The following CNTNAP2 variants were observed in gnomAD, a reference collection of about 807,000 sequenced individuals.
CNTNAP2 encodes the protein contactin associated protein 2.
CNTNAP2 carries 98 observed loss-of-function variants against 155.2 expected under a neutral mutation model. The ratio of observed to expected loss-of-function variants is 0.63; its 90% CI spans 0.54 to 0.75. The LOEUF is 0.75. Ranked by LOEUF, CNTNAP2 falls within the 30% of genes least tolerant of loss-of-function variation. The probability of loss-of-function intolerance (pLI) is 0.00; values close to 1 mark genes in which losing one functional copy is unlikely to be tolerated. For synonymous variants in CNTNAP2, 651 were observed against 631.2 expected (o/e 1.03, Z -0.47); for missense variants, 1,727 against 1,688.1 (o/e 1.02, Z -0.40).
chr7:147,507,550 CTTTTT>C (rs3052511), intron 11 of CNTNAP2, among the ~76,000 whole-genome samples: 38,365 of 82,172 alleles, frequency 0.47, 5,709 homozygotes, highest in Non-Finnish European at 0.49. Context: ...CTCTTTCTTT[CTTTTT>C]TTTTTTTTTT....
At chr7:148,088,056 T>C (rs1803767724) in intron 15 of CNTNAP2, among the ~76,000 whole-genome samples, 1 of 152,008 alleles carries the variant, frequency 6.6e-6, no homozygotes, top group Non-Finnish European at 1.5e-5. Flanking sequence ...TTCTGTAGGG[T>C]TCCAAACCAT....
chr7:146,885,349 G>A (rs560087707), intron 3 of CNTNAP2, among the ~76,000 whole-genome samples: 3 of 152,226 alleles, frequency 2.0e-5, no homozygotes, highest in South Asian at 4.1e-4. Context: ...CAAGAAACGA[G>A]AATACCAGGG....
chr7:147,853,681 T>A (rs761447553), intron 13 of CNTNAP2, among the ~76,000 whole-genome samples: 2 of 152,232 alleles, frequency 1.3e-5, no homozygotes, highest in African/African-American at 4.8e-5. Flanking sequence ...GGATGAACCA[T>A]TGCCATAAAA....
chr7:146,559,617 T>A (rs1012026423), intron 1 of CNTNAP2, among the ~76,000 whole-genome samples: 4 of 152,048 alleles, frequency 2.6e-5, no homozygotes, highest in African/African-American at 4.8e-5. Context: ...AAAAATCGAA[T>A]TATTTTATTT....
chr7:148,031,825 G>A (rs1239802971), intron 15 of CNTNAP2, among the ~76,000 whole-genome samples: 2 of 152,030 alleles, frequency 1.3e-5, no homozygotes, highest in East Asian at 1.9e-4. Flanking sequence ...TTTTACCCTC[G>A]ATTTACTGAG....
rs547383791 is a variant in CNTNAP2, at chr7:146,507,744, G to A, written c.98-266527G>A. ...CAAATGTTGCTGTAGGAGGGGTGCC[G>A]CTATTTCTAAATCTGCAAGAGAATC... On this transcript the variant is annotated intron_variant, in intron 1 of 23. Coordinates refer to ENST00000361727, the MANE Select transcript of CNTNAP2 (RefSeq NM_014141.6). Among the ~76,000 whole-genome samples, 4 of 152,232 alleles carry A rather than the reference G, an allele frequency of 2.6e-5. No individual in the cohort carries two copies. The East Asian group carries it at 5.8e-4, about 22-fold the overall frequency.
intron 4 of CNTNAP2, among the ~76,000 whole-genome samples, chr7:147,100,991 G>C (rs1230235392): frequency 6.6e-6 from 1 of 152,192 alleles, no homozygotes; most frequent in Admixed American, 6.5e-5. Flanking sequence ...CTTTCTAGTG[G>C]TGAGGCTTAT....
intron 1 of CNTNAP2, among the ~76,000 whole-genome samples, chr7:146,721,889 A>ATATATATATATATATTTTTTTTTTT: frequency 1.4e-5 from 1 of 69,738 alleles, no homozygotes; most frequent in Admixed American, 1.2e-4. Context: ...ATATATATAT[A>ATATATATATATATATTTTTTTTTTT]TTTTTTTTTT....
chr7:146,353,805 T>A (rs906776180), intron 1 of CNTNAP2, among the ~76,000 whole-genome samples: 15 of 151,970 alleles, frequency 9.9e-5, no homozygotes, highest in Non-Finnish European at 1.8e-4. Context: ...ATAATAATAA[T>A]AAACTCCTCT....
intron 13 of CNTNAP2, among the ~76,000 whole-genome samples, chr7:147,737,809 C>T (rs190916179): frequency 1.9e-3 from 287 of 152,286 alleles, no homozygotes; most frequent in Middle Eastern, 6.8e-3. Context: ...GGCATAGGAC[C>T]CTCTGAGCCA....
intron 13 of CNTNAP2, among the ~76,000 whole-genome samples, chr7:147,784,113 C>G (rs1002826489): frequency 6.6e-6 from 1 of 151,868 alleles, no homozygotes; most frequent in Non-Finnish European, 1.5e-5. Flanking sequence ...TTGTGCATGT[C>G]TCTGGGTCCA....
chr7:148,162,551 C>A (rs1001901140), intron 17 of CNTNAP2, among the ~76,000 whole-genome samples: 3 of 152,196 alleles, frequency 2.0e-5, no homozygotes, highest in African/African-American at 7.2e-5. Context: ...TAGTACTGAG[C>A]TTTTGCACTA....
intron 2 of CNTNAP2, among the ~76,000 whole-genome samples, chr7:146,832,440 T>A (rs1279047052): frequency 6.7e-6 from 1 of 150,156 alleles, no homozygotes; most frequent in East Asian, 1.9e-4. Context: ...TTAACAGGTT[T>A]ACTGATGTAT....
At chr7:146,232,819 G>A (rs1047129573) in intron 1 of CNTNAP2, among the ~76,000 whole-genome samples, 52 of 152,068 alleles carry the variant, frequency 3.4e-4, no homozygotes, top group Non-Finnish European at 6.5e-4. Context: ...CAAAAACAAT[G>A]TCAAAGACAT....
At chr7:147,528,527 GCA>G (rs942848870) in intron 11 of CNTNAP2, among the ~76,000 whole-genome samples, 1 of 152,138 alleles carries the variant, frequency 6.6e-6, no homozygotes, top group African/African-American at 2.4e-5. Context: ...AGACACACAT[GCA>G]CACACATACA....
chr7:146,239,853 AC>A (rs1276808699), intron 1 of CNTNAP2, among the ~76,000 whole-genome samples: 4 of 152,194 alleles, frequency 2.6e-5, no homozygotes, highest in African/African-American at 4.8e-5. Flanking sequence ...GAGATGCAAC[AC>A]ATCTGAGGGA....
chr7:147,513,444 C>T (rs908962580), intron 11 of CNTNAP2, among the ~76,000 whole-genome samples: 3 of 152,150 alleles, frequency 2.0e-5, no homozygotes, highest in Non-Finnish European at 4.4e-5. Context: ...CTTTGAGGCT[C>T]ATTTTTCTCA....
intron 4 of CNTNAP2, among the ~76,000 whole-genome samples, chr7:147,087,281 T>C (rs1800298210): frequency 6.6e-6 from 1 of 152,188 alleles, no homozygotes; most frequent in Admixed American, 6.5e-5. Flanking sequence ...GCAATGTGTC[T>C]CTTAACAAAA....
chr7:146,949,862 C>T (rs1164393561), intron 3 of CNTNAP2, among the ~76,000 whole-genome samples: 1 of 152,100 alleles, frequency 6.6e-6, no homozygotes, highest in African/African-American at 2.4e-5. Flanking sequence ...GAGCACAAAG[C>T]TCTGTGGGTT....
Sources: allele counts gnomAD v4.1 joint callset (sites outside exome capture counted in the v4.1 genomes callset), GRCh38; gene constraint gnomAD v4.1.1; transcripts MANE v1.5; gene names NCBI Gene and HGNC (gene_info 2026-07-23, HGNC 2026-07-21).